Variants in SLC41A1 observed in about 807,000 individuals in gnomAD.
The protein encoded by SLC41A1 is solute carrier family 41 member 1.
In SLC41A1, 20 loss-of-function variants were observed where a neutral mutation model predicts 47.3. The observed-to-expected ratio is 0.42, with a 90% CI of 0.30 to 0.61. SLC41A1 has a LOEUF of 0.61. Among genes scored for constraint, SLC41A1 ranks in the 20% least tolerant of loss-of-function variants. The probability of loss-of-function intolerance (pLI) is 0.17; values close to 1 mark genes in which losing one functional copy is unlikely to be tolerated. For synonymous variants in SLC41A1, 282 were observed against 272.7 expected, an observed-to-expected ratio of 1.03 and a Z score of -0.34; for missense variants, 504 against 674.1, an observed-to-expected ratio of 0.75 and a Z score of 2.79.
At chr1:205,806,080 G>A (rs1048403947) in intron 2 of SLC41A1, among the ~76,000 whole-genome samples, 5 of 152,236 alleles carry the variant, frequency 3.3e-5, no homozygotes, top group African/African-American at 1.2e-4. Context: ...AGTAACCCCA[G>A]GCTTCACCTG....
chr1:205,807,973 T>C (rs1435730807), intron 2 of SLC41A1, among the ~76,000 whole-genome samples: 1 of 151,236 alleles, frequency 6.6e-6, no homozygotes, highest in Non-Finnish European at 1.5e-5. Flanking sequence ...TTTTTTTTTT[T>C]GAGTTGGAGT....
rs549244566 is a variant in SLC41A1, at chr1:205,790,357, T to A, written c.*1176A>T. 1 of 152,320 alleles carries A rather than the reference T, an allele frequency of 6.6e-6. No homozygotes were observed. The highest frequency in any genetic ancestry group is 1.9e-4 in the East Asian group (1 of 5,178). The allele number at this position is 152,320 out of a possible 1,614,324, so 9.4% of individuals were successfully genotyped here. A position where few individuals can be genotyped will look rare whatever the true frequency, so the allele number is the denominator to read the frequency against. On this transcript the variant is annotated 3_prime_UTR_variant, in exon 11 of 11. Coordinates refer to ENST00000367137, the MANE Select transcript of SLC41A1 (RefSeq NM_173854.6). Reference sequence around the variant, plus strand: ...ACACATAGTAGGCACTCAATAAATATTGCTCAAAGAATGTTTCAGACCATG... The same window carrying A: ...ACACATAGTAGGCACTCAATAAATAATGCTCAAAGAATGTTTCAGACCATG...
intron 10 of SLC41A1, among the ~76,000 whole-genome samples, chr1:205,792,874 A>G (rs1401164936): frequency 6.6e-6 from 1 of 152,122 alleles, no homozygotes; most frequent in South Asian, 2.1e-4. Context: ...ACAGCCCTTA[A>G]GGGATCCAGA....
Position 205,810,593 on chromosome 1 carries a change from C to A in SLC41A1, c.-152G>T. Reference sequence around the variant, plus strand: ...CACGGCTCTCCACTCCTACCAGGCACTGCAAAAACTGATCCACCAACAGGC... The same window carrying A: ...CACGGCTCTCCACTCCTACCAGGCAATGCAAAAACTGATCCACCAACAGGC... On this transcript the variant is annotated 5_prime_UTR_variant, in exon 2 of 11. Transcript: ENST00000367137. This position sits in a 1 kb window ranked among gnomAD's most constrained non-coding sequence, Gnocchi z 5.5. The A allele has an allele frequency of 8.8e-7, 1 of 1,138,836 alleles. No homozygotes were observed. Among genetic ancestry groups the A allele is most frequent in the African/African-American group, 1.5e-5 (1 of 65,222 alleles). 70.5% of individuals were successfully genotyped at this position (1,138,836 alleles called of 1,614,324 possible).
intron 3 of SLC41A1, among the ~76,000 whole-genome samples, chr1:205,800,706 T>G (rs1169804462): frequency 6.6e-6 from 1 of 151,530 alleles, no homozygotes; most frequent in Admixed American, 6.6e-5. Context: ...GGGGCAGGAG[T>G]CCAGGGGTGG....
chr1:205,794,431 C>A (rs1221884859), intron 10 of SLC41A1, among the ~76,000 whole-genome samples: 1 of 152,092 alleles, frequency 6.6e-6, no homozygotes, highest in Non-Finnish European at 1.5e-5. Flanking sequence ...CAGGATCCGA[C>A]AGATTATCTA....
intron 7 of SLC41A1, among the ~76,000 whole-genome samples, chr1:205,797,363 C>A (rs1474953085): frequency 6.6e-6 from 1 of 152,220 alleles, no homozygotes; most frequent in African/African-American, 2.4e-5. Flanking sequence ...TGGGCTCCTC[C>A]ACAGGGAACC....
Position 205,789,812 on chromosome 1 carries a change from C to T in SLC41A1, c.*1721G>A, listed in dbSNP as rs1294954576. ...AGTGTTGGTAGAAACAGGATCATTG[C>T]CTAAGCCTTCCCTTGGAGGTGGGCC... On this transcript the variant is annotated 3_prime_UTR_variant, in exon 11 of 11. Transcript: ENST00000367137. The T allele has an allele frequency of 6.6e-6, 1 of 152,124 alleles. No individual in the cohort carries two copies. The highest frequency in any genetic ancestry group is 1.5e-5 in the Non-Finnish European group (1 of 68,030). The allele number at this position is 152,124 out of a possible 1,614,324, so 9.4% of individuals were successfully genotyped here.
At chr1:205,801,525 T>TTA (rs1467894057) in intron 2 of SLC41A1, 1 of 216,750 alleles carries the variant, frequency 4.6e-6, no homozygotes, top group Non-Finnish European at 9.3e-6. Context: ...GCTGGGGAGA[T>TTA]TAGAGAGTTT....
chr1:205,803,233 T>C (rs921991658), intron 2 of SLC41A1, among the ~76,000 whole-genome samples: 5 of 152,056 alleles, frequency 3.3e-5, no homozygotes, highest in Non-Finnish European at 5.9e-5. Context: ...TATAAAATGG[T>C]GCAGCTGCTA....
intron 2 of SLC41A1, among the ~76,000 whole-genome samples, chr1:205,806,802 G>A (rs891393095): frequency 3.3e-5 from 5 of 152,146 alleles, no homozygotes; most frequent in Non-Finnish European, 5.9e-5. Flanking sequence ...GATAAGAGGA[G>A]GCAGAAATGA....
chr1:205,790,337 T>G lies in SLC41A1; in HGVS notation c.*1196A>C, dbSNP rs1317793690. The G allele has an allele frequency of 6.6e-6, 1 of 152,210 alleles. No individual in the cohort carries two copies. Among genetic ancestry groups the G allele is most frequent in the Non-Finnish European group, 1.5e-5 (1 of 68,034 alleles). The allele number at this position is 152,210 out of a possible 1,614,324, so 9.4% of individuals were successfully genotyped here. A position where few individuals can be genotyped will look rare whatever the true frequency, so the allele number is the denominator to read the frequency against. Reference sequence around the variant, plus strand: ...AGTGCCTGGCACAGTACCTAACACATAGTAGGCACTCAATAAATATTGCTC... The same window carrying G: ...AGTGCCTGGCACAGTACCTAACACAGAGTAGGCACTCAATAAATATTGCTC... On this transcript the variant is annotated 3_prime_UTR_variant, in exon 11 of 11. Transcript: ENST00000367137.
intron 2 of SLC41A1, among the ~76,000 whole-genome samples, chr1:205,808,934 A>T (rs1012445406): frequency 6.6e-6 from 1 of 152,190 alleles, no homozygotes; most frequent in African/African-American, 2.4e-5. Context: ...GCAGAACTCT[A>T]TATCACTATG....
intron 8 of SLC41A1, 79 bp from the exon 9 acceptor site, chr1:205,795,557 G>C: frequency 2.6e-6 from 4 of 1,549,108 alleles, no homozygotes; most frequent in Non-Finnish European, 3.5e-6. Flanking sequence ...CTCACTCTTT[G>C]TCTTCTATCT....
chr1:205,810,477 CTCT>C lies in SLC41A1; in HGVS notation c.-39_-37del, dbSNP rs1401446204. On this transcript the variant is annotated 5_prime_UTR_variant, in exon 2 of 11. Transcript: ENST00000367137. The surrounding 1 kb of genome is among the most constrained non-coding windows in gnomAD (Gnocchi z 5.5). ...GAGGAGGGGAAGGGAGAACTTTCCT[CTCT>C]TCTTTTTGCTTTCTCTCTTCTTCTC... is the stretch of plus-strand genomic sequence containing the variant. 1 of 1,613,900 alleles carries C rather than the reference CTCT, an allele frequency of 6.2e-7. No individual in the cohort carries two copies. Among genetic ancestry groups the C allele is most frequent in the Admixed American group, 1.7e-5 (1 of 60,020 alleles).
rs547660002 is a variant in SLC41A1 at position 205,812,649 on chromosome 1, A to T, written c.-647+159T>A. The T allele has an allele frequency of 1.5e-5, 11 of 725,286 alleles. No homozygotes were observed. The South Asian group carries it at 6.8e-4, about 45-fold the overall frequency. The allele number at this position is 725,286 out of a possible 1,614,324, so 44.9% of individuals were successfully genotyped here. On this transcript the variant is annotated intron_variant, in intron 1 of 10. Transcript: ENST00000367137. The stretch of plus-strand genomic sequence containing the variant: ...TATCCCCTCCTCCCAGGCGGGGACA[A>T]AAAAGACCCATTTTAGTATCCCCAA...
At chr1:205,801,347 G>A (rs1655874273) in intron 2 of SLC41A1, 2 of 400,972 alleles carry the variant, frequency 5.0e-6, no homozygotes, top group Non-Finnish European at 9.5e-6. Flanking sequence ...GAGGTGGGTG[G>A]GGAAGGGTAA....
At position 205,810,730 on chromosome 1, in the gene SLC41A1, A is replaced by G. The variant is rs1256930611; in HGVS notation, c.-289T>C. On this transcript the variant is annotated 5_prime_UTR_variant, in exon 2 of 11. Coordinates refer to ENST00000367137, the MANE Select transcript of SLC41A1 (RefSeq NM_173854.6). This position sits in a 1 kb window ranked among gnomAD's most constrained non-coding sequence, Gnocchi z 5.5. The stretch of plus-strand genomic sequence containing the variant: ...CAACCCACCAGCTCTGTGCTTGAAG[A>G]AAAAGTATCTGTCCTCTTATCTTCT... 4.0e-6 allele frequency: 2 copies of G among 493,912 alleles called. No homozygotes were observed. The highest frequency in any genetic ancestry group is 3.9e-5 in the African/African-American group (2 of 51,646). 30.6% of individuals were successfully genotyped at this position (493,912 alleles called of 1,614,324 possible). A position where few individuals can be genotyped will look rare whatever the true frequency, so the allele number is the denominator to read the frequency against.
intron 2 of SLC41A1, among the ~76,000 whole-genome samples, chr1:205,807,650 CTTTT>C (rs71152452): frequency 7.1e-5 from 7 of 98,512 alleles, no homozygotes; most frequent in African/African-American, 2.6e-4. Flanking sequence ...CTCGTAGAGT[CTTTT>C]TTTTTTTTTT....
Sources: allele counts gnomAD v4.1 joint callset (sites outside exome capture counted in the v4.1 genomes callset), GRCh38; gene constraint gnomAD v4.1.1; non-coding constraint Gnocchi (gnomAD v3.1); transcripts MANE v1.5; gene names NCBI Gene and HGNC (gene_info 2026-07-23, HGNC 2026-07-21).